Variants in LMO4 observed in about 807,000 individuals in gnomAD.
LMO4 encodes LIM domain only 4, also known as LIM domain transcription factor LMO4.
In LMO4, 3 loss-of-function variants were observed where a neutral mutation model predicts 18.5. The ratio of observed to expected loss-of-function variants is 0.16; its 90% CI spans 0.07 to 0.42. The LOEUF (loss-of-function observed/expected upper bound fraction) is 0.42, where lower values mean the gene tolerates loss of function less well. LMO4 is among the 10% of genes least tolerant of loss of function. The pLI, the probability that LMO4 is intolerant of heterozygous loss-of-function variation, is 0.99. For missense variants in LMO4, 121 were observed against 219.9 expected (o/e 0.55, Z 2.84); for synonymous variants, 100 against 88.1 (o/e 1.14, Z -0.76).
chr1:87,339,721 C>G, intron 3 of LMO4, 89 bp downstream of exon 3: 1 of 840,374 alleles, frequency 1.2e-6, no homozygotes, highest in East Asian at 2.7e-5. Context: ...TTGGTATGAA[C>G]TGTTTTCTCA....
At chr1:87,331,839 A>ATAT in intron 1 of LMO4, 174 bp from the exon 2 acceptor site, 1 of 588,718 alleles carries the variant, frequency 1.7e-6, no homozygotes, top group South Asian at 2.2e-5. Flanking sequence ...GCTGCCGGCG[A>ATAT]GCCTCCCTTC....
Position 87,345,076 on chromosome 1 carries a change from T to TG in LMO4, c.*287dup, listed in dbSNP as rs901970475. 2.1e-4 allele frequency: 22 copies of TG among 106,448 alleles called. No homozygotes were observed. Among genetic ancestry groups the TG allele is most frequent in the Middle Eastern group, 3.8e-3 (1 of 266 alleles). 6.6% of individuals were successfully genotyped at this position (106,448 alleles called of 1,614,324 possible). A position where few individuals can be genotyped will look rare whatever the true frequency, so the allele number is the denominator to read the frequency against. On this transcript the variant is annotated 3_prime_UTR_variant, in exon 5 of 5. Transcript: ENST00000370544. ...GACATCTTGGGGAGGGGGAGGGAGC[T>TG]GGGGGGGAGGGAAATGACTAATGAA...
In LMO4 at chr1:87,348,828, CAAT is replaced by C. The variant is rs930003430; in HGVS notation, c.*4036_*4038del. On this transcript the variant is annotated 3_prime_UTR_variant, in exon 5 of 5. Transcript: ENST00000370544. ...GGACGGCAACTCGGAGGCCTCAAGCCAATAATGTACTACAGGCCCTGACATGTT... is the reference window on the plus strand; with the variant it reads ...GGACGGCAACTCGGAGGCCTCAAGCCAATGTACTACAGGCCCTGACATGTT... 1 of 481,512 alleles carries C rather than the reference CAAT, an allele frequency of 2.1e-6. No individual in the cohort carries two copies. Among genetic ancestry groups the C allele is most frequent in the Non-Finnish European group, 4.2e-6 (1 of 240,442 alleles). 29.8% of individuals were successfully genotyped at this position (481,512 alleles called of 1,614,324 possible).
chr1:87,344,630 G>T (rs982081927), intron 4 of LMO4, among the ~76,000 whole-genome samples, 158 bp from the exon 5 acceptor site: 13 of 152,208 alleles, frequency 8.5e-5, no homozygotes, highest in Non-Finnish European at 2.9e-5. Context: ...TTCACTGCCA[G>T]AGTAAGTAGC....
At chr1:87,333,898 A>C (rs772187667) in intron 2 of LMO4, among the ~76,000 whole-genome samples, 74 of 151,984 alleles carry the variant, frequency 4.9e-4, no homozygotes, top group South Asian at 1.0e-3. Context: ...AGTGCTGTTA[A>C]GATTCCGTGA....
At chr1:87,341,030 A>G (rs1650459145) in intron 4 of LMO4, among the ~76,000 whole-genome samples, 1 of 152,230 alleles carries the variant, frequency 6.6e-6, no homozygotes, top group Non-Finnish European at 1.5e-5. Context: ...TCCTATAGCT[A>G]TGCAAGTGAG....
chr1:87,348,782 C>T lies in LMO4; in HGVS notation c.*3986C>T, dbSNP rs750134466. On this transcript the variant is annotated 3_prime_UTR_variant, in exon 5 of 5. Transcript: ENST00000370544. Reference sequence around the variant, plus strand: ...TTCCTAGAGGGAATGTTTTCAAGTTCAGATTGATTCTGCTGAGAATGGACG... The same window carrying T: ...TTCCTAGAGGGAATGTTTTCAAGTTTAGATTGATTCTGCTGAGAATGGACG... The T allele has an allele frequency of 2.0e-6, 1 of 512,332 alleles. No homozygotes were observed. Among genetic ancestry groups the T allele is most frequent in the East Asian group, 5.5e-5 (1 of 18,176 alleles). The allele number at this position is 512,332 out of a possible 1,614,324, so 31.7% of individuals were successfully genotyped here.
chr1:87,331,715 G>A, intron 1 of LMO4: 1 of 406,662 alleles, frequency 2.5e-6, no homozygotes, highest in Middle Eastern at 6.5e-4. Flanking sequence ...AGCGGAGCCT[G>A]CTCTCGGAGT....
chr1:87,342,805 A>G (rs944313459), intron 4 of LMO4, among the ~76,000 whole-genome samples: 1 of 152,192 alleles, frequency 6.6e-6, no homozygotes, highest in African/African-American at 2.4e-5. Flanking sequence ...GCAAGGGGGA[A>G]GAGTTAATGA....
At chr1:87,342,917 G>A (rs974570900) in intron 4 of LMO4, among the ~76,000 whole-genome samples, 1 of 152,176 alleles carries the variant, frequency 6.6e-6, no homozygotes, top group Admixed American at 6.5e-5. Context: ...GAGGCAATGA[G>A]ATGGGGAGAA....
Position 87,345,777 on chromosome 1 carries a change from G to C in LMO4, c.*981G>C, listed in dbSNP as rs977917751. ...ACGCCATTATTGGCAGGGGTACAAA[G>C]TAGTTTCTAACAGGGTCCTTTCTAT... On this transcript the variant is annotated 3_prime_UTR_variant, in exon 5 of 5. Transcript: ENST00000370544. 81 of 152,332 alleles carry C rather than the reference G, an allele frequency of 5.3e-4. No homozygotes were observed. The highest frequency in any genetic ancestry group is 1.9e-3 in the African/African-American group (81 of 41,582). The allele number at this position is 152,332 out of a possible 1,614,324, so 9.4% of individuals were successfully genotyped here.
intron 2 of LMO4, among the ~76,000 whole-genome samples, chr1:87,338,998 A>G (rs1650397023): frequency 6.6e-6 from 1 of 152,240 alleles, no homozygotes; most frequent in Non-Finnish European, 1.5e-5. Context: ...AGGTTAACCC[A>G]TACACATTAT....
chr1:87,332,115 T>A lies in LMO4; in HGVS notation c.100T>A (p.Phe34Ile). ...CTGCGGGGGCAAGATTGCGGACCGC[T>A]TTCTGCTCTATGCCATGGACAGCTA... ...AGCGGKIADRFLLYAMDSYWH... is the reference protein window; with the variant it reads ...AGCGGKIADRILLYAMDSYWH... Residue 34 changes from phenylalanine (F) to isoleucine (I), a missense_variant, in exon 2 of 5, where the codon TTT becomes ATT. Phe to Ile is a conservative substitution (Grantham distance 21, BLOSUM62 0). Around this residue, in one of 4 missense-constraint regions of LMO4, gnomAD observed 51 missense variants for 56.8 expected, o/e 0.90. Transcript: ENST00000370544. 2.5e-6 allele frequency: 4 copies of A among 1,614,182 alleles called. No homozygotes were observed. The highest frequency in any genetic ancestry group is 3.4e-6 in the Non-Finnish European group (4 of 1,180,034).
chr1:87,340,596 C>T (rs1198107485), intron 4 of LMO4, among the ~76,000 whole-genome samples: 1 of 152,130 alleles, frequency 6.6e-6, no homozygotes, highest in African/African-American at 2.4e-5. Flanking sequence ...GAATAAAGAT[C>T]TTTGTTATGA....
chr1:87,333,950 A>C (rs967550589), intron 2 of LMO4, among the ~76,000 whole-genome samples: 5 of 151,934 alleles, frequency 3.3e-5, no homozygotes, highest in African/African-American at 7.3e-5. Flanking sequence ...TTCAAAAAAA[A>C]AAAAACAAAA....
intron 3 of LMO4, among the ~76,000 whole-genome samples, 184 bp downstream of exon 3, chr1:87,339,816 A>G (rs1006800398): frequency 1.4e-4 from 21 of 152,278 alleles, no homozygotes; most frequent in Admixed American, 3.9e-4. Flanking sequence ...CGCTTCCCCT[A>G]TGCCACAGAC....
chr1:87,340,767 A>T (rs1208686948), intron 4 of LMO4, among the ~76,000 whole-genome samples: 1 of 152,196 alleles, frequency 6.6e-6, no homozygotes, highest in Non-Finnish European at 1.5e-5. Flanking sequence ...TGAATAAGTT[A>T]TGGCTTTTAA....
chr1:87,343,916 T>G (rs1048867751), intron 4 of LMO4, among the ~76,000 whole-genome samples: 1 of 152,214 alleles, frequency 6.6e-6, no homozygotes, highest in African/African-American at 2.4e-5. Flanking sequence ...CATAACAACC[T>G]AATATGTATT....
intron 3 of LMO4, 38 bp downstream of exon 3, chr1:87,339,670 A>T (rs75992258): frequency 7.4e-7 from 1 of 1,345,204 alleles, no homozygotes; most frequent in Non-Finnish European, 1.1e-6. Context: ...TAAAAAAAAA[A>T]TCATACCTTT....
Sources: gnomAD v4.1 joint callset for allele counts (sites outside exome capture counted in the v4.1 genomes callset) on GRCh38, gnomAD v4.1.1 for gene constraint, gnomAD v4.1.1 regional missense constraint, MANE v1.5 for transcripts, NCBI Gene and HGNC (gene_info 2026-07-23, HGNC 2026-07-21) for gene names.